ABCB5: variants seen among roughly 807,000 people sequenced by gnomAD.
The protein encoded by ABCB5 is ATP-binding cassette sub-family B member 5.
Under a neutral mutation model 144.2 loss-of-function variants are expected in ABCB5, and 155 were observed. That is an observed-to-expected ratio of 1.08 (90% confidence interval 0.94 to 1.23). ABCB5 has a LOEUF of 1.23. Among genes scored for constraint, ABCB5 ranks in the 50% most tolerant of loss-of-function variants. The probability of loss-of-function intolerance (pLI) is 0.00; values close to 1 mark genes in which losing one functional copy is unlikely to be tolerated. For missense variants in ABCB5, 1,830 were observed against 1,520.8 expected (o/e 1.20, Z -3.38); for synonymous variants, 610 against 528.6 (o/e 1.15, Z -2.11).
intron 23 of ABCB5, among the ~76,000 whole-genome samples, chr7:20,728,836 T>C (rs1782122286): frequency 6.6e-6 from 1 of 152,238 alleles, no homozygotes; most frequent in Non-Finnish European, 1.5e-5. Context: ...GAAAGATGTC[T>C]AGTTTATAGT....
chr7:20,629,189 G>T (rs1783978529), intron 4 of ABCB5, among the ~76,000 whole-genome samples: 1 of 59,188 alleles, frequency 1.7e-5, no homozygotes, highest in Non-Finnish European at 3.8e-5. Context: ...TGTGTGTAAA[G>T]AGTGAGATTT....
At chr7:20,644,482 G>C (rs1252227638) in intron 7 of ABCB5, among the ~76,000 whole-genome samples, 1 of 152,140 alleles carries the variant, frequency 6.6e-6, no homozygotes, top group Non-Finnish European at 1.5e-5. Flanking sequence ...AACAAATTAT[G>C]TACTCGCATT....
In ABCB5 at chr7:20,651,567, A is replaced by T. The variant is rs1205696645; in HGVS notation, c.1480A>T (p.Met494Leu). ...ACGAGATGATGTGACTGATGAAGAGATGGAGAGAGCAGCAAGGGAAGCAAA... is the reference window on the plus strand; with the variant it reads ...ACGAGATGATGTGACTGATGAAGAGTTGGAGAGAGCAGCAAGGGAAGCAAA... Reference protein sequence around the residue: ...YGRDDVTDEEMERAAREANAY... With the variant: ...YGRDDVTDEELERAAREANAY... The change falls in exon 13 of 28, where the codon ATG (methionine) becomes TTG (leucine). Residue 494 changes from methionine (M) to leucine (L), a missense_variant. Physicochemically the swap from Met to Leu is conservative, Grantham distance 15. Transcript: ENST00000404938. 5 of 1,614,090 alleles carry T rather than the reference A, an allele frequency of 3.1e-6. No homozygotes were observed. In the South Asian group the frequency reaches 5.5e-5, roughly 18 times the overall value.
intron 20 of ABCB5, among the ~76,000 whole-genome samples, chr7:20,710,382 G>A (rs78700139): frequency 0.096 from 3,373 of 34,958 alleles, 450 homozygotes; most frequent in African/African-American, 0.26. Context: ...AAAAAAAAAA[G>A]TGGGGGGGGG....
chr7:20,696,548 T>C lies in ABCB5; in HGVS notation c.2011-1859T>C, dbSNP rs1786421928. ...CTGAGTCTGTAGCAGTGTTCAAATT[T>C]ATCAAATTTTACATTTCAAATATGT... is the stretch of plus-strand genomic sequence containing the variant. On this transcript the variant is annotated intron_variant, in intron 16 of 27. Transcript: ENST00000404938. 2.0e-5 allele frequency among the ~76,000 whole-genome samples: 3 copies of C among 152,236 alleles called. No homozygotes were observed. The South Asian group carries it at 6.2e-4, about 32-fold the overall frequency.
chr7:20,627,886 G>C (rs1328587995), intron 3 of ABCB5, among the ~76,000 whole-genome samples: 1 of 152,154 alleles, frequency 6.6e-6, no homozygotes, highest in Admixed American at 6.6e-5. Context: ...TGTTGTTGCA[G>C]TCTTCAGAAT....
chr7:20,695,561 A>T (rs1583431673), intron 16 of ABCB5, among the ~76,000 whole-genome samples: 1 of 152,008 alleles, frequency 6.6e-6, no homozygotes, highest in South Asian at 2.1e-4. Context: ...AAAAAAATTG[A>T]TAAGTCAGAC....
chr7:20,736,351 A>G (rs1314031409), intron 23 of ABCB5, among the ~76,000 whole-genome samples: 1 of 152,010 alleles, frequency 6.6e-6, no homozygotes, highest in Admixed American at 6.6e-5. Context: ...CTGAGTAGCT[A>G]GCATTACAGG....
chr7:20,622,664 C>T lies in ABCB5; in HGVS notation c.-21-601C>T, dbSNP rs183087743. On this transcript the variant is annotated intron_variant, in intron 1 of 27. Transcript: ENST00000404938. ...GATAATTTATAATTTATGAACATAA[C>T]TGTGATCTTAAGACAAGGTAAGATC... is the stretch of plus-strand genomic sequence containing the variant. Among the ~76,000 whole-genome samples, 462 of 152,160 alleles carry T rather than the reference C, an allele frequency of 3.0e-3. 11 individuals carry two copies. The highest frequency in any genetic ancestry group is 0.028 in the Admixed American group (425 of 15,280).
intron 20 of ABCB5, among the ~76,000 whole-genome samples, chr7:20,719,010 G>A (rs12700236): frequency 0.58 from 88,107 of 151,938 alleles, 25,822 homozygotes; most frequent in East Asian, 0.91. Context: ...AATATTTTTG[G>A]AGAATATTTA....
At chr7:20,632,665 G>A (rs1489654270) in intron 5 of ABCB5, among the ~76,000 whole-genome samples, 3 of 151,994 alleles carry the variant, frequency 2.0e-5, no homozygotes, top group Non-Finnish European at 4.4e-5. Context: ...TACACACCAT[G>A]GAATACTATG....
intron 1 of ABCB5, among the ~76,000 whole-genome samples, chr7:20,621,476 G>A (rs1423360496): frequency 6.6e-6 from 1 of 152,060 alleles, no homozygotes; most frequent in Non-Finnish European, 1.5e-5. Flanking sequence ...CTGCTCTTGG[G>A]ACCATTCTGA....
chr7:20,708,678 C>T (rs1481196078), intron 20 of ABCB5, among the ~76,000 whole-genome samples: 1 of 152,140 alleles, frequency 6.6e-6, no homozygotes, highest in Non-Finnish European at 1.5e-5. Context: ...ACCATTTACA[C>T]TACTGGTCCA....
intron 15 of ABCB5, among the ~76,000 whole-genome samples, chr7:20,683,442 A>T (rs1436553048): frequency 3.9e-5 from 6 of 152,182 alleles, no homozygotes; most frequent in Non-Finnish European, 8.8e-5. Flanking sequence ...AACTGGTCGA[A>T]TTAAGCCTAT....
In ABCB5 at chr7:20,711,186, G is replaced by T. The variant is rs138959127; in HGVS notation, c.2421+6379G>T. On this transcript the variant is annotated intron_variant, in intron 20 of 27. Coordinates refer to ENST00000404938, the MANE Select transcript of ABCB5 (RefSeq NM_001163941.2). ...TGCTTAACAATCATCTTTTATTAAAGAATTTTAAATAAATATGTAAAGTCC... is the reference window on the plus strand; with the variant it reads ...TGCTTAACAATCATCTTTTATTAAATAATTTTAAATAAATATGTAAAGTCC... Among the ~76,000 whole-genome samples, 94 of 149,484 alleles carry T rather than the reference G, an allele frequency of 6.3e-4. 7 individuals carry two copies. In the East Asian group the frequency reaches 0.017, roughly 27 times the overall value.
At chr7:20,719,317 A>G (rs2128048568) in intron 20 of ABCB5, among the ~76,000 whole-genome samples, 1 of 152,326 alleles carries the variant, frequency 6.6e-6, no homozygotes, top group African/African-American at 2.4e-5. Flanking sequence ...AAGATGATCC[A>G]TAAAATGTGT....
At chr7:20,708,086 G>C (rs991952020) in intron 20 of ABCB5, among the ~76,000 whole-genome samples, 1 of 152,044 alleles carries the variant, frequency 6.6e-6, no homozygotes, top group Non-Finnish European at 1.5e-5. Flanking sequence ...TTACAGGCGT[G>C]AGCCACCGCG....
At chr7:20,663,532 A>G (rs1785071304) in intron 14 of ABCB5, among the ~76,000 whole-genome samples, 1 of 152,158 alleles carries the variant, frequency 6.6e-6, no homozygotes, top group South Asian at 2.1e-4. Context: ...GATACATACA[A>G]TAGTCAAATT....
intron 20 of ABCB5, among the ~76,000 whole-genome samples, chr7:20,719,844 C>A (rs1046755724): frequency 1.3e-5 from 2 of 152,042 alleles, no homozygotes; most frequent in African/African-American, 4.8e-5. Flanking sequence ...AATAACCTTA[C>A]AATGTTGACT....
Sources: gnomAD v4.1 joint callset for allele counts (sites outside exome capture counted in the v4.1 genomes callset) on GRCh38, gnomAD v4.1.1 for gene constraint, MANE v1.5 for transcripts, NCBI Gene and HGNC (gene_info 2026-07-23, HGNC 2026-07-21) for gene names.